GPRIN2: variants seen among roughly 807,000 people sequenced by gnomAD.
GPRIN2 encodes the protein G protein-regulated inducer of neurite outgrowth 2.
In GPRIN2, 1 loss-of-function variant was observed where a neutral mutation model predicts 0.3. That is an observed-to-expected ratio of 3.90 (90% CI 1.39 to 18.51). The LOEUF (loss-of-function observed/expected upper bound fraction) is 18.51. Among genes scored for constraint, GPRIN2 ranks in the 30% most tolerant of loss-of-function variants. GPRIN2 has a pLI of 0.11. For synonymous variants in GPRIN2, 361 were observed against 258.6 expected, an observed-to-expected ratio of 1.40 and a Z score of -3.80; for missense variants, 880 against 604.2, an observed-to-expected ratio of 1.46 and a Z score of -4.79.
Position 46,547,300 on chromosome 10 carries a change from C to T in GPRIN2, c.*2060G>A, listed in dbSNP as rs1842250961. On this transcript the variant is annotated 3_prime_UTR_variant, in exon 3 of 3. Coordinates refer to ENST00000374314, the MANE Select transcript of GPRIN2 (RefSeq NM_001385282.1). ...CAGGCCCCTCCTTGGTGTCACCTGG[C>T]ACATCTCCACTGGAAGCCAAATGGA... 6.6e-6 allele frequency among the ~76,000 whole-genome samples: 1 copy of T among 152,310 alleles called. No homozygotes were observed. The highest frequency in any genetic ancestry group is 2.4e-5 in the African/African-American group (1 of 41,488).
At chr10:46,554,083 A>G (rs1229294334) in intron 2 of GPRIN2, among the ~76,000 whole-genome samples, 3 of 152,300 alleles carry the variant, frequency 2.0e-5, no homozygotes, top group Admixed American at 1.3e-4. Flanking sequence ...ACAGAAATAA[A>G]TCCCCACCCT....
upstream of GPRIN2, among the ~76,000 whole-genome samples, chr10:46,557,362 C>A (rs1357499225): frequency 2.0e-5 from 3 of 152,302 alleles, no homozygotes; most frequent in Non-Finnish European, 4.4e-5. Context: ...CCTCCATTGC[C>A]CCTCAAGAGC....
chr10:46,551,942 G>A (rs1170030313), intron 2 of GPRIN2, among the ~76,000 whole-genome samples: 1 of 152,312 alleles, frequency 6.6e-6, no homozygotes, highest in East Asian at 1.9e-4. Flanking sequence ...CCCTCTGGCT[G>A]TCCAACACCC....
Position 46,542,262 on chromosome 10 carries a change from A to G in GPRIN2, c.*7098T>C, listed in dbSNP as rs1833071351. On this transcript the variant is annotated 3_prime_UTR_variant, in exon 3 of 3. Coordinates refer to ENST00000374314, the MANE Select transcript of GPRIN2 (RefSeq NM_001385282.1). ...CCTCCCAGGGTTCCAGCCCCAACAGAGGCTCCCTGCTTGGGCCTTGCTCAG... is the reference window on the plus strand; with the variant it reads ...CCTCCCAGGGTTCCAGCCCCAACAGGGGCTCCCTGCTTGGGCCTTGCTCAG... Among the ~76,000 whole-genome samples the G allele has an allele frequency of 1.3e-3, 193 of 152,332 alleles. No individual in the cohort carries two copies. Among genetic ancestry groups the G allele is most frequent in the African/African-American group, 4.6e-3 (189 of 41,514 alleles).
At chr10:46,557,031 CCCTCGCTCCAGTT>C (rs1843324754), upstream of GPRIN2, among the ~76,000 whole-genome samples, 1 of 147,120 alleles carries the variant, frequency 6.8e-6, no homozygotes, top group African/African-American at 2.5e-5. Flanking sequence ...GCTCCAGTGC[CCCTCGCTCCAGTT>C]CCCCCTCCGC....
rs2133135100 is a variant in GPRIN2 at position 46,542,036 on chromosome 10, A to G, written c.*7324T>C. ...GAAGAGAAAAAAAATCAAACCAAAG[A>G]GTTTTCCTCAAGAGTTGCAGGCTGG... On this transcript the variant is annotated 3_prime_UTR_variant, in exon 3 of 3. Transcript: ENST00000374314. 6.6e-6 allele frequency among the ~76,000 whole-genome samples: 1 copy of G among 152,428 alleles called. No individual in the cohort carries two copies. The highest frequency in any genetic ancestry group is 1.9e-4 in the East Asian group (1 of 5,196).
chr10:46,550,394 C>A lies in GPRIN2; in HGVS notation c.343G>T (p.Ala115Ser). Residue 115 changes from alanine to serine, a missense_variant, in exon 3 of 3, where the codon GCT (alanine) becomes TCT (serine). Transcript: ENST00000374314. ...DLCRLRAPSA[A>S]AMQRSHSDLV... ...TCTGAATGGCTCCTCTGCATAGCAG[C>A]AGCACTAGGGGCCCGCAGGCGACAC... 2 of 1,611,954 alleles carry A rather than the reference C, an allele frequency of 1.2e-6. No individual in the cohort carries two copies. Among genetic ancestry groups the A allele is most frequent in the Middle Eastern group, 1.6e-4 (1 of 6,062 alleles).
At position 46,545,534 on chromosome 10, in the gene GPRIN2, G is replaced by A. The variant is rs1280785862; in HGVS notation, c.*3826C>T. On this transcript the variant is annotated 3_prime_UTR_variant, in exon 3 of 3. Coordinates refer to ENST00000374314, the MANE Select transcript of GPRIN2 (RefSeq NM_001385282.1). Reference sequence around the variant, plus strand: ...AGCCCAAGATGAGTGGTGAGGGCTAGGGTAGCCCTCCTCAATGCACTCTGG... The same window carrying A: ...AGCCCAAGATGAGTGGTGAGGGCTAAGGTAGCCCTCCTCAATGCACTCTGG... Among the ~76,000 whole-genome samples, 10 of 152,302 alleles carry A rather than the reference G, an allele frequency of 6.6e-5. No homozygotes were observed. The highest frequency in any genetic ancestry group is 1.0e-4 in the Non-Finnish European group (7 of 68,050).
In GPRIN2 at chr10:46,549,298, T is replaced by A. The variant is rs2131606618; in HGVS notation, c.*62A>T. On this transcript the variant is annotated 3_prime_UTR_variant, in exon 3 of 3. Transcript: ENST00000374314. ...TCCAGGGGGCACGGAGCCCCCACCG[T>A]CCCTGGCCCAGGTCTAGGACTAAGT... 6.9e-7 allele frequency: 1 copy of A among 1,441,140 alleles called. No homozygotes were observed. Among genetic ancestry groups the A allele is most frequent in the South Asian group, 1.5e-5 (1 of 66,068 alleles). 89.3% of individuals were successfully genotyped at this position (1,441,140 alleles called of 1,614,324 possible). A position where few individuals can be genotyped will look rare whatever the true frequency, so the allele number is the denominator to read the frequency against.
Position 46,547,341 on chromosome 10 carries a change from A to T in GPRIN2, c.*2019T>A, listed in dbSNP as rs1200648452. 6.6e-6 allele frequency among the ~76,000 whole-genome samples: 1 copy of T among 152,310 alleles called. No homozygotes were observed. Among genetic ancestry groups the T allele is most frequent in the African/African-American group, 2.4e-5 (1 of 41,488 alleles). ...GCCAAATGGATATTTCTAAACTGAA[A>T]TCTGGTCCCACCTCAGAACCCCTTC... is the stretch of plus-strand genomic sequence containing the variant. On this transcript the variant is annotated 3_prime_UTR_variant, in exon 3 of 3. Transcript: ENST00000374314.
rs1832723709 is a variant in GPRIN2, at chr10:46,549,429, T to C, written c.1308A>G (p.Pro436=). Residue 436 remains proline, a synonymous_variant, in exon 3 of 3, where the codon CCA becomes CCG. Coordinates refer to ENST00000374314, the MANE Select transcript of GPRIN2 (RefSeq NM_001385282.1). ...GCAGGGACTGCATGACAGCCCGCAGTGGCCCCCTCCGGCCCTCCACAGACA... is the reference window on the plus strand; with the variant it reads ...GCAGGGACTGCATGACAGCCCGCAGCGGCCCCCTCCGGCCCTCCACAGACA... ...DSLSVEGRRG[P]LRAVMQSLRR... The C allele has an allele frequency of 0.99, 1,572,801 of 1,584,604 alleles. 780,499 individuals are homozygous for C. The highest frequency in any genetic ancestry group is 1 in the East Asian group (43,886 of 43,894).
chr10:46,543,358 G>T lies in GPRIN2; in HGVS notation c.*6002C>A, dbSNP rs1833035404. Among the ~76,000 whole-genome samples the T allele has an allele frequency of 6.6e-6, 1 of 152,426 alleles. No individual in the cohort carries two copies. Among genetic ancestry groups the T allele is most frequent in the African/African-American group, 2.4e-5 (1 of 41,610 alleles). Reference sequence around the variant, plus strand: ...CAATGGACAGTGGGGAGGCAGACAGGTTCTGAATAACCCAGAACAAAGAGA... The same window carrying T: ...CAATGGACAGTGGGGAGGCAGACAGTTTCTGAATAACCCAGAACAAAGAGA... On this transcript the variant is annotated 3_prime_UTR_variant, in exon 3 of 3. Transcript: ENST00000374314.
rs1301744242 is a variant in GPRIN2, at chr10:46,546,517, CCAAA to C, written c.*2839_*2842del. 6.6e-6 allele frequency among the ~76,000 whole-genome samples: 1 copy of C among 152,308 alleles called. No individual in the cohort carries two copies. The highest frequency in any genetic ancestry group is 1.5e-5 in the Non-Finnish European group (1 of 68,058). ...ATTTGTATCTGTTTTGAATTCAAAGCCAAACAAACACATCAACAGTGAACTCCAA... is the reference window on the plus strand; with the variant it reads ...ATTTGTATCTGTTTTGAATTCAAAGCCAAACACATCAACAGTGAACTCCAA... On this transcript the variant is annotated 3_prime_UTR_variant, in exon 3 of 3. Coordinates refer to ENST00000374314, the MANE Select transcript of GPRIN2 (RefSeq NM_001385282.1).
In GPRIN2 at chr10:46,550,199, C is replaced by A; in HGVS notation, c.538G>T (p.Asp180Tyr). The A allele has an allele frequency of 6.2e-7, 1 of 1,601,018 alleles. No individual in the cohort carries two copies. The highest frequency in any genetic ancestry group is 8.5e-7 in the Non-Finnish European group (1 of 1,173,360). ...AGLERDLAPE[D>Y]ETSNSAWMLG... ...ATCCAGGCTGAGTTAGAAGTCTCAT[C>A]CTCAGGAGCCAGGTCCCTTTCCAGG... is the stretch of plus-strand genomic sequence containing the variant. The change falls in exon 3 of 3, where the codon GAT becomes TAT. Residue 180 changes from aspartate to tyrosine, a missense_variant. Physicochemically the swap from Asp to Tyr is radical, Grantham distance 160. Transcript: ENST00000374314.
rs1842397429 is a variant in GPRIN2, at chr10:46,548,797, A to G, written c.*563T>C. Among the ~76,000 whole-genome samples, 1 of 152,310 alleles carries G rather than the reference A, an allele frequency of 6.6e-6. No homozygotes were observed. Among genetic ancestry groups the G allele is most frequent in the Admixed American group, 6.5e-5 (1 of 15,294 alleles). On this transcript the variant is annotated 3_prime_UTR_variant, in exon 3 of 3. Coordinates refer to ENST00000374314, the MANE Select transcript of GPRIN2 (RefSeq NM_001385282.1). ...TCAGTCCCACCTCTTCAAGCTGTCC[A>G]GCGTGGGGCACATCGGCTACAGCCT...
intron 1 of GPRIN2, among the ~76,000 whole-genome samples, 134 bp downstream of exon 1, chr10:46,556,364 G>T (rs1447323845): frequency 3.3e-5 from 5 of 152,422 alleles, no homozygotes; most frequent in Admixed American, 2.6e-4. Flanking sequence ...GGCTCTGGGC[G>T]CTGGGCAGGG....
At chr10:46,551,839 C>T (rs1832157460) in intron 2 of GPRIN2, among the ~76,000 whole-genome samples, 5 of 152,420 alleles carry the variant, frequency 3.3e-5, no homozygotes, top group African/African-American at 1.2e-4. Flanking sequence ...GCCTTCATCC[C>T]TGACTGAGCA....
At position 46,547,520 on chromosome 10, in the gene GPRIN2, C is replaced by T. The variant is rs1160978795; in HGVS notation, c.*1840G>A. 6.6e-6 allele frequency among the ~76,000 whole-genome samples: 1 copy of T among 152,304 alleles called. No homozygotes were observed. Among genetic ancestry groups the T allele is most frequent in the Non-Finnish European group, 1.5e-5 (1 of 68,056 alleles). ...GGACAGGCACATCCAAGTATCTGAC[C>T]AGGCTGTTCCATCTGCCAGGCAGGT... On this transcript the variant is annotated 3_prime_UTR_variant, in exon 3 of 3. Transcript: ENST00000374314.
At chr10:46,555,180 T>C (rs1480851456) in intron 1 of GPRIN2, among the ~76,000 whole-genome samples, 1 of 152,306 alleles carries the variant, frequency 6.6e-6, no homozygotes, top group Admixed American at 6.5e-5. Flanking sequence ...CTCCTGACCT[T>C]AGGTGATCCA....
Sources: allele counts gnomAD v4.1 joint callset (sites outside exome capture counted in the v4.1 genomes callset), GRCh38; gene constraint gnomAD v4.1.1; transcripts MANE v1.5; gene names NCBI Gene and HGNC (gene_info 2026-07-23, HGNC 2026-07-21).